Variants in PRKAR1B observed in about 807,000 individuals in gnomAD.
PRKAR1B encodes protein kinase cAMP-dependent type I regulatory subunit beta, also known as cAMP-dependent protein kinase type I-beta regulatory subunit.
PRKAR1B carries 22 observed loss-of-function variants against 46.5 expected under a neutral mutation model. The observed-to-expected ratio is 0.47, with a 90% CI of 0.34 to 0.68. The LOEUF is 0.68. Among genes scored for constraint, PRKAR1B ranks in the 30% least tolerant of loss-of-function variants. The pLI is 0.01. For synonymous variants in PRKAR1B, 259 were observed against 217.7 expected (o/e 1.19, Z -1.67); for missense variants, 445 against 535.6 (o/e 0.83, Z 1.67).
At chr7:553,911 G>T (rs1215973899) in intron 9 of PRKAR1B, among the ~76,000 whole-genome samples, 4 of 152,282 alleles carry the variant, frequency 2.6e-5, no homozygotes, top group African/African-American at 9.6e-5. Flanking sequence ...TGGATGAGCA[G>T]GACGTGTAAA....
intron 8 of PRKAR1B, among the ~76,000 whole-genome samples, chr7:581,789 C>T (rs1052906385): frequency 9.2e-5 from 14 of 152,056 alleles, no homozygotes; most frequent in African/African-American, 1.7e-4. Flanking sequence ...GATCACGGCT[C>T]ACCACAGCCT....
At chr7:576,136 C>T (rs1016782494) in intron 9 of PRKAR1B, among the ~76,000 whole-genome samples, 10 of 150,818 alleles carry the variant, frequency 6.6e-5, no homozygotes, top group Non-Finnish European at 1.2e-4. Flanking sequence ...CGGGCGTGCA[C>T]GCTGGCATCC....
chr7:562,166 T>C lies in PRKAR1B; in HGVS notation c.892-10696A>G, dbSNP rs563472397. The stretch of plus-strand genomic sequence containing the variant: ...TCTGTGGCCCAGTTACTCCCGGCCA[T>C]CTGTGTGGGAGTCTCTGCAGGTTCC... On this transcript the variant is annotated intron_variant, in intron 9 of 10. Coordinates refer to ENST00000537384, the MANE Select transcript of PRKAR1B (RefSeq NM_001164760.2). 2.0e-5 allele frequency among the ~76,000 whole-genome samples: 3 copies of C among 152,290 alleles called. No individual in the cohort carries two copies. In the East Asian group the frequency reaches 5.8e-4, roughly 29 times the overall value.
At chr7:622,149 C>A (rs1221373706) in intron 4 of PRKAR1B, among the ~76,000 whole-genome samples, 1 of 152,264 alleles carries the variant, frequency 6.6e-6, no homozygotes, top group East Asian at 1.9e-4. Flanking sequence ...AAGAAACCTG[C>A]TGAAGCAAAC....
intron 6 of PRKAR1B, among the ~76,000 whole-genome samples, chr7:601,710 C>T (rs1490475469): frequency 1.3e-5 from 2 of 152,208 alleles, no homozygotes; most frequent in Admixed American, 6.5e-5. Flanking sequence ...CGTGCACAGC[C>T]GCCTGGGACT....
chr7:646,970 G>T (rs945886227), intron 4 of PRKAR1B, among the ~76,000 whole-genome samples: 1 of 152,138 alleles, frequency 6.6e-6, no homozygotes, highest in African/African-American at 2.4e-5. Context: ...TGGCAGGGGT[G>T]ACACTGCCCC....
chr7:612,891 G>A (rs1782606218), intron 4 of PRKAR1B, among the ~76,000 whole-genome samples: 1 of 152,202 alleles, frequency 6.6e-6, no homozygotes, highest in African/African-American at 2.4e-5. Flanking sequence ...CCGAAGCACT[G>A]TCAGCAACAG....
At chr7:608,789 AGGGGTCAGTGTGTGGCAGG>A in intron 4 of PRKAR1B, among the ~76,000 whole-genome samples, 3 of 70,024 alleles carry the variant, frequency 4.3e-5, no homozygotes, top group Admixed American at 1.3e-4. Flanking sequence ...CCACCTGGGG[AGGGGTCAGTGTGTGGCAGG>A]GCTGTAGGGA....
chr7:726,013 C>T (rs549662056), intron 1 of PRKAR1B, among the ~76,000 whole-genome samples: 3 of 152,314 alleles, frequency 2.0e-5, no homozygotes, highest in East Asian at 3.9e-4. Flanking sequence ...GATGACCCAT[C>T]TCAGGATTTT....
intron 2 of PRKAR1B, among the ~76,000 whole-genome samples, chr7:695,925 A>G (rs1202784592): frequency 6.7e-6 from 1 of 150,044 alleles, no homozygotes; most frequent in Non-Finnish European, 1.5e-5. Flanking sequence ...TGGCCTCCCA[A>G]AGTGCTGGGA....
intron 9 of PRKAR1B, among the ~76,000 whole-genome samples, chr7:563,331 C>T (rs1778924002): frequency 6.6e-6 from 1 of 152,260 alleles, no homozygotes; most frequent in African/African-American, 2.4e-5. Flanking sequence ...CCTAAAAACC[C>T]TCCACAGGCT....
intron 1 of PRKAR1B, chr7:726,594 A>C (rs919153475): frequency 5.2e-5 from 35 of 679,576 alleles, no homozygotes; most frequent in Non-Finnish European, 7.0e-5. Context: ...GCACAGGCCC[A>C]CGTGCGCACC....
intron 4 of PRKAR1B, among the ~76,000 whole-genome samples, chr7:620,794 T>C (rs1783069549): frequency 6.6e-6 from 1 of 152,206 alleles, no homozygotes; most frequent in Non-Finnish European, 1.5e-5. Context: ...TCTTTCTTTA[T>C]AGCATTGCCG....
intron 4 of PRKAR1B, among the ~76,000 whole-genome samples, chr7:627,851 C>T (rs1337591586): frequency 6.6e-6 from 1 of 152,202 alleles, no homozygotes; most frequent in Admixed American, 6.5e-5. Flanking sequence ...TGGTATTTTC[C>T]GAGTGCCCGC....
At chr7:620,898 A>G (rs1291039697) in intron 4 of PRKAR1B, among the ~76,000 whole-genome samples, 1 of 152,238 alleles carries the variant, frequency 6.6e-6, no homozygotes, top group Non-Finnish European at 1.5e-5. Context: ...CTCCATTAGC[A>G]TGTTTGCTCT....
chr7:555,845 G>A (rs369479628), intron 9 of PRKAR1B, among the ~76,000 whole-genome samples: 137 of 152,334 alleles, frequency 9.0e-4, no homozygotes, highest in South Asian at 7.7e-3. Context: ...CACAGGCCCT[G>A]TTGCAGGAGG....
chr7:657,916 G>A (rs1275970608), intron 4 of PRKAR1B, among the ~76,000 whole-genome samples: 1 of 152,098 alleles, frequency 6.6e-6, no homozygotes, highest in Non-Finnish European at 1.5e-5. Context: ...AATTCCCACT[G>A]AGCCCAGCTT....
intron 9 of PRKAR1B, among the ~76,000 whole-genome samples, chr7:577,148 C>T (rs1218273642): frequency 1.3e-5 from 2 of 152,224 alleles, no homozygotes; most frequent in Non-Finnish European, 2.9e-5. Context: ...CCATCAGCGG[C>T]CCCAGCCGCA....
chr7:584,549 C>CGAAA lies in PRKAR1B; in HGVS notation c.727_728insTTTC (p.Arg243LeufsTer36). 6.2e-7 allele frequency: 1 copy of CGAAA among 1,613,806 alleles called. No individual in the cohort carries two copies. The highest frequency in any genetic ancestry group is 8.5e-7 in the Non-Finnish European group (1 of 1,179,922). On this transcript the variant is annotated frameshift_variant, in exon 8 of 11. Coordinates refer to ENST00000537384, the MANE Select transcript of PRKAR1B (RefSeq NM_001164760.2). LOFTEE classifies it high-confidence loss of function. ...GCTGAGGAACTCCTCGTACATCTTG[C>CGAAA]GTTTCCTCAGCGTGCTGCCCTGTTC... is the stretch of plus-strand genomic sequence containing the variant.
Sources: gnomAD v4.1 joint callset for allele counts (sites outside exome capture counted in the v4.1 genomes callset) on GRCh38, gnomAD v4.1.1 for gene constraint, MANE v1.5 for transcripts, NCBI Gene and HGNC (gene_info 2026-07-23, HGNC 2026-07-21) for gene names.